NCOA1: variants seen among roughly 807,000 people sequenced by gnomAD.
NCOA1 encodes Hin-2 protein.
A neutral mutation model predicts 150.9 loss-of-function variants in NCOA1; 35 were observed. The observed-to-expected ratio is 0.23, with a 90% CI of 0.18 to 0.31. The LOEUF (loss-of-function observed/expected upper bound fraction) is 0.31, where lower values mean the gene tolerates loss of function less well. Among genes scored for constraint, NCOA1 ranks in the 10% least tolerant of loss-of-function variants. The pLI is 1.00. For synonymous variants in NCOA1, 590 were observed against 630.0 expected (o/e 0.94, Z 0.95); for missense variants, 1,491 against 1,749.3 (o/e 0.85, Z 2.63).
intron 1 of NCOA1, among the ~76,000 whole-genome samples, chr2:24,500,296 C>T (rs1339948614): frequency 1.3e-5 from 2 of 151,940 alleles, no homozygotes; most frequent in Non-Finnish European, 1.5e-5. Flanking sequence ...TTAGTGGAGA[C>T]GGGGTTTCTC....
At chr2:24,537,162 A>G (rs76377366) in intron 1 of NCOA1, among the ~76,000 whole-genome samples, 6,900 of 151,980 alleles carry the variant, frequency 0.045, 247 homozygotes, top group East Asian at 0.19. Flanking sequence ...TCATTGTAGC[A>G]TTAGTCACAA....
In NCOA1 at chr2:24,704,634, A is replaced by G. The variant is rs530691976; in HGVS notation, c.950-452A>G. Among the ~76,000 whole-genome samples, 339 of 152,040 alleles carry G rather than the reference A, an allele frequency of 2.2e-3. 6 individuals carry two copies. The highest frequency in any genetic ancestry group is 7.9e-3 in the African/African-American group (328 of 41,498). On this transcript the variant is annotated intron_variant, in intron 11 of 22. Transcript: ENST00000348332. ...TCTACTAAAAATACAAAAATTAGCCATGGTGGTGGGTGCCTGTAGTCCCAG... is the reference window on the plus strand; with the variant it reads ...TCTACTAAAAATACAAAAATTAGCCGTGGTGGTGGGTGCCTGTAGTCCCAG...
Position 24,584,090 on chromosome 2 carries a change from T to C in NCOA1, c.-259-386T>C, listed in dbSNP as rs112366907. 1.1e-3 allele frequency among the ~76,000 whole-genome samples: 161 copies of C among 152,256 alleles called. 1 individual carries two copies. Among genetic ancestry groups the C allele is most frequent in the African/African-American group, 3.6e-3 (149 of 41,568 alleles). On this transcript the variant is annotated intron_variant, in intron 2 of 22. Transcript: ENST00000348332. ...GATGATGAATGTTTAAGGTGATTGA[T>C]ATGCCATTACCCTGATTTGATTATT...
At chr2:24,739,749 T>C (rs1367110616) in intron 18 of NCOA1, among the ~76,000 whole-genome samples, 2 of 152,132 alleles carry the variant, frequency 1.3e-5, no homozygotes, top group Admixed American at 6.5e-5. Flanking sequence ...TTTATTGTTA[T>C]TATTGTCATT....
intron 3 of NCOA1, among the ~76,000 whole-genome samples, chr2:24,639,927 T>TGC (rs1670118445): frequency 1.6e-4 from 2 of 12,198 alleles, no homozygotes; most frequent in African/African-American, 4.8e-4. Context: ...TATATATATA[T>TGC]ATATATATAT....
chr2:24,765,966 T>A (rs1174513675), intron 22 of NCOA1, among the ~76,000 whole-genome samples: 1 of 149,018 alleles, frequency 6.7e-6, no homozygotes, highest in African/African-American at 2.5e-5. Flanking sequence ...AGTGGTGCAA[T>A]CTCAGCTCAC....
At chr2:24,615,242 A>G (rs562191405) in intron 3 of NCOA1, among the ~76,000 whole-genome samples, 5 of 152,224 alleles carry the variant, frequency 3.3e-5, no homozygotes, top group Non-Finnish European at 5.9e-5. Flanking sequence ...AAGCAGAATA[A>G]CACAGTAGAA....
rs181720110 is a variant in NCOA1 at position 24,770,274 on chromosome 2, C to T, written c.*1883C>T. 6.1e-5 allele frequency: 14 copies of T among 230,310 alleles called. No individual in the cohort carries two copies. The highest frequency in any genetic ancestry group is 8.8e-5 in the African/African-American group (4 of 45,216). 14.3% of individuals were successfully genotyped at this position (230,310 alleles called of 1,614,324 possible). On this transcript the variant is annotated 3_prime_UTR_variant, in exon 23 of 23. Coordinates refer to ENST00000348332, the MANE Select transcript of NCOA1 (RefSeq NM_003743.5). ...TTCCATTTTGTTTGTGATATTTAGACGCGCAGACTTCAGGAAGTTCACCTT... is the reference window on the plus strand; with the variant it reads ...TTCCATTTTGTTTGTGATATTTAGATGCGCAGACTTCAGGAAGTTCACCTT...
At chr2:24,664,757 A>C (rs2148503683) in intron 5 of NCOA1, among the ~76,000 whole-genome samples, 1 of 152,132 alleles carries the variant, frequency 6.6e-6, no homozygotes, top group Middle Eastern at 3.4e-3. Context: ...AATTGTTGCC[A>C]ATTATGAGCT....
At chr2:24,613,898 T>C (rs189299735) in intron 3 of NCOA1, among the ~76,000 whole-genome samples, 129 of 152,234 alleles carry the variant, frequency 8.5e-4, no homozygotes, top group African/African-American at 3.0e-3. Flanking sequence ...GTTTTAGGAG[T>C]ATTCACATAG....
At chr2:24,725,708 AGTGTGC>A (rs1433248651) in intron 14 of NCOA1, among the ~76,000 whole-genome samples, 20 of 78,218 alleles carry the variant, frequency 2.6e-4, no homozygotes, top group African/African-American at 7.1e-4. Flanking sequence ...GTGGACCTAA[AGTGTGC>A]GTGTGTGTGT....
At chr2:24,498,716 A>G (rs1663329167) in intron 1 of NCOA1, among the ~76,000 whole-genome samples, 1 of 152,176 alleles carries the variant, frequency 6.6e-6, no homozygotes, top group Non-Finnish European at 1.5e-5. Context: ...GTAGTAAGAA[A>G]ACATTGGTGG....
intron 1 of NCOA1, among the ~76,000 whole-genome samples, chr2:24,526,515 T>A (rs982576758): frequency 2.0e-5 from 3 of 151,770 alleles, no homozygotes; most frequent in African/African-American, 7.3e-5. Context: ...CGACCTTTTT[T>A]AAAAAAAATA....
chr2:24,702,346 G>C (rs1673204532), intron 11 of NCOA1, among the ~76,000 whole-genome samples: 1 of 151,882 alleles, frequency 6.6e-6, no homozygotes, highest in South Asian at 2.1e-4. Context: ...ATCTTTTTCT[G>C]CATATATTTA....
intron 19 of NCOA1, among the ~76,000 whole-genome samples, chr2:24,748,596 A>G (rs1334421260): frequency 6.7e-6 from 1 of 149,314 alleles, no homozygotes; most frequent in Admixed American, 6.8e-5. Context: ...AGCCTGGGCA[A>G]CAAGAGTGAA....
intron 1 of NCOA1, among the ~76,000 whole-genome samples, chr2:24,498,371 TGA>T (rs1663315199): frequency 6.6e-6 from 1 of 152,176 alleles, no homozygotes. Flanking sequence ...GATTATGACC[TGA>T]GAGAGGTGAT....
At chr2:24,624,440 TAGAC>T (rs767008949) in intron 3 of NCOA1, among the ~76,000 whole-genome samples, 9 of 152,248 alleles carry the variant, frequency 5.9e-5, no homozygotes, top group Non-Finnish European at 1.0e-4. Flanking sequence ...TTTTAGAAAG[TAGAC>T]AGATTACATT....
intron 3 of NCOA1, among the ~76,000 whole-genome samples, chr2:24,586,851 G>A (rs370618005): frequency 6.6e-6 from 1 of 152,250 alleles, no homozygotes; most frequent in African/African-American, 2.4e-5. Flanking sequence ...TGGCTCCCAG[G>A]AGCCTCTTTT....
At chr2:24,738,336 A>G (rs113512450) in intron 17 of NCOA1, among the ~76,000 whole-genome samples, 25 of 151,866 alleles carry the variant, frequency 1.6e-4, no homozygotes, top group Admixed American at 6.6e-5. Flanking sequence ...ATAAAATAGT[A>G]TTAATATTAT....
Sources: gnomAD v4.1 joint callset for allele counts (sites outside exome capture counted in the v4.1 genomes callset) on GRCh38, gnomAD v4.1.1 for gene constraint, MANE v1.5 for transcripts, NCBI Gene and HGNC (gene_info 2026-07-23, HGNC 2026-07-21) for gene names.